Variants in FREM1 observed in about 807,000 individuals in gnomAD.
The protein encoded by FREM1 is FRAS1 related extracellular matrix 1.
A neutral mutation model predicts 210.1 loss-of-function variants in FREM1; 220 were observed. The ratio of observed to expected loss-of-function variants is 1.05; its 90% CI spans 0.94 to 1.17. FREM1 has a LOEUF of 1.17. FREM1 is among the 50% of genes most tolerant of loss of function. The probability of loss-of-function intolerance (pLI) is 0.00; values close to 1 mark genes in which losing one functional copy is unlikely to be tolerated. For synonymous variants in FREM1, 1,189 were observed against 980.2 expected, an observed-to-expected ratio of 1.21 and a Z score of -3.98; for missense variants, 3,454 against 2,675.5, an observed-to-expected ratio of 1.29 and a Z score of -6.42.
At chr9:14,803,220 C>A (rs1335853824) in intron 19 of FREM1, among the ~76,000 whole-genome samples, 2 of 102,556 alleles carry the variant, frequency 2.0e-5, no homozygotes, top group South Asian at 3.8e-4. Context: ...TTTCTCTTTT[C>A]TTTCTCTTTC....
rs933380778 is a variant in FREM1 at position 14,836,939 on chromosome 9, C to G, written c.1881+4508G>C. On this transcript the variant is annotated intron_variant, in intron 10 of 36. Coordinates refer to ENST00000380880, the MANE Select transcript of FREM1 (RefSeq NM_001379081.2). The surrounding 1 kb of genome is among the most constrained non-coding windows in gnomAD (Gnocchi z 4.9). The stretch of plus-strand genomic sequence containing the variant: ...TATGCAGATAGAGAGGAAAAGGGGT[C>G]CTTGGGTAGTTTTCGTCTTTTAAAG... 6.6e-5 allele frequency among the ~76,000 whole-genome samples: 10 copies of G among 152,084 alleles called. No individual in the cohort carries two copies. The highest frequency in any genetic ancestry group is 5.2e-4 in the Admixed American group (8 of 15,272).
chr9:14,787,065 C>T (rs1850535107), intron 23 of FREM1, among the ~76,000 whole-genome samples: 1 of 152,126 alleles, frequency 6.6e-6, no homozygotes, highest in Non-Finnish European at 1.5e-5. Flanking sequence ...ATCATTTCTG[C>T]CACTGTGCAA....
At chr9:14,753,531 A>T (rs1843743345) in intron 29 of FREM1, among the ~76,000 whole-genome samples, 1 of 152,230 alleles carries the variant, frequency 6.6e-6, no homozygotes, top group African/African-American at 2.4e-5. Flanking sequence ...GTTTGGTAGC[A>T]TAGTTGCAAC....
chr9:14,741,498 T>C (rs1213359145), intron 35 of FREM1, among the ~76,000 whole-genome samples: 1 of 152,236 alleles, frequency 6.6e-6, no homozygotes, highest in Non-Finnish European at 1.5e-5. Context: ...GACCTCATTA[T>C]TGACTCTCAG....
At chr9:14,843,271 C>T (rs1233580082) in intron 8 of FREM1, among the ~76,000 whole-genome samples, 1 of 152,142 alleles carries the variant, frequency 6.6e-6, no homozygotes, top group African/African-American at 2.4e-5. Flanking sequence ...TGCCTCCACC[C>T]TCCACCTTCC....
At chr9:14,840,836 T>C (rs777542848) in intron 10 of FREM1, among the ~76,000 whole-genome samples, 1 of 152,250 alleles carries the variant, frequency 6.6e-6, no homozygotes, top group Non-Finnish European at 1.5e-5. Flanking sequence ...TATATGGCAA[T>C]GTTTGCTTAA....
At chr9:14,829,233 G>A (rs539912299) in intron 10 of FREM1, among the ~76,000 whole-genome samples, 1 of 152,292 alleles carries the variant, frequency 6.6e-6, no homozygotes, top group Admixed American at 6.5e-5. Context: ...AGAGGGTAAG[G>A]AGGACTTGCC....
At chr9:14,751,225 C>T (rs757934983) in intron 29 of FREM1, among the ~76,000 whole-genome samples, 4 of 152,146 alleles carry the variant, frequency 2.6e-5, no homozygotes, top group Admixed American at 6.5e-5. Context: ...GTAAACTTAT[C>T]GATTTAACTT....
Position 14,847,400 on chromosome 9 carries a change from A to AGAAGGAAG in FREM1, c.1261+1257_1261+1264dup, listed in dbSNP as rs1348075386. ...ATATAAAGGAGAGGGAGAGAGAAAA[A>AGAAGGAAG]GAAGGAAGGAAGGAAGGAAGGAAGG... On this transcript the variant is annotated intron_variant, in intron 7 of 36. Transcript: ENST00000380880. Among the ~76,000 whole-genome samples the AGAAGGAAG allele has an allele frequency of 9.5e-3, 330 of 34,858 alleles. 13 individuals carry two copies. The highest frequency in any genetic ancestry group is 0.016 in the Non-Finnish European group (245 of 15,804). 22.9% of individuals were successfully genotyped at this position (34,858 alleles called of 152,430 possible).
chr9:14,868,272 C>G (rs1369229462), intron 2 of FREM1, among the ~76,000 whole-genome samples: 1 of 152,086 alleles, frequency 6.6e-6, no homozygotes, highest in Admixed American at 6.5e-5. Flanking sequence ...AGGAATAACT[C>G]CAATGTAATT....
intron 23 of FREM1, among the ~76,000 whole-genome samples, chr9:14,787,943 T>G (rs577122885): frequency 1.6e-4 from 25 of 152,312 alleles, no homozygotes; most frequent in African/African-American, 6.0e-4. Flanking sequence ...ATAAAATATA[T>G]TATTACACAG....
rs757282994 is a variant in FREM1, at chr9:14,842,516, T to A, written c.1538A>T (p.Asn513Ile). ...HHSIRHKFPINVLPKDDSPPF... is the reference protein window; with the variant it reads ...HHSIRHKFPIIVLPKDDSPPF... ...GGGACTATCATCTTTGGGCAAGACG[T>A]TGATGGGGAATTTGTGACGGATGCT... is the stretch of plus-strand genomic sequence containing the variant. Residue 513 changes from asparagine to isoleucine, a missense_variant, in exon 9 of 37, where the codon AAC (asparagine) becomes ATC (isoleucine). Transcript: ENST00000380880. 1.2e-6 allele frequency: 2 copies of A among 1,614,030 alleles called. No individual in the cohort carries two copies. The highest frequency in any genetic ancestry group is 1.3e-5 in the African/African-American group (1 of 75,060).
In FREM1 at chr9:14,857,568, G is replaced by C; in HGVS notation, c.813C>G (p.Ser271Arg). 6.2e-7 allele frequency: 1 copy of C among 1,613,286 alleles called. No individual in the cohort carries two copies. The highest frequency in any genetic ancestry group is 2.2e-5 in the East Asian group (1 of 44,878). ...SIQLDLTDTR[S>R]KIVYKSESAW... is the part of the protein sequence containing the mutation. ...CAAACTCTACCTTGTACACAATTTT[G>C]CTCCTGGTATCTGTGAGGTCCAGTT... Residue 271 changes from serine (S) to arginine (R), a missense_variant, in exon 5 of 37, where the codon AGC (serine) becomes AGG (arginine). Coordinates refer to ENST00000380880, the MANE Select transcript of FREM1 (RefSeq NM_001379081.2).
chr9:14,743,466 A>G (rs979451776), intron 35 of FREM1, among the ~76,000 whole-genome samples: 36 of 152,238 alleles, frequency 2.4e-4, no homozygotes, highest in African/African-American at 7.5e-4. Flanking sequence ...GACTATTATA[A>G]TCTCGTAATA....
intron 1 of FREM1, among the ~76,000 whole-genome samples, chr9:14,890,809 G>T (rs1354231951): frequency 6.6e-6 from 1 of 152,158 alleles, no homozygotes; most frequent in African/African-American, 2.4e-5. Flanking sequence ...AAAAATGTGT[G>T]CCCTCAACTT....
intron 7 of FREM1, 102 bp from the exon 8 acceptor site, chr9:14,846,193 G>A (rs1211554475): frequency 2.1e-6 from 2 of 937,490 alleles, no homozygotes; most frequent in Non-Finnish European, 3.2e-6. Flanking sequence ...AAAATAATGA[G>A]TTCATGCCCT....
In FREM1 at chr9:14,851,308, G is replaced by A; in HGVS notation, c.1128C>T (p.Ser376=). The A allele has an allele frequency of 1.3e-6, 2 of 1,598,088 alleles. No individual in the cohort carries two copies. Among genetic ancestry groups the A allele is most frequent in the South Asian group, 2.3e-5 (2 of 88,284 alleles). Residue 376 remains serine, a synonymous_variant, in exon 6 of 37, where the codon AGC becomes AGT. Coordinates refer to ENST00000380880, the MANE Select transcript of FREM1 (RefSeq NM_001379081.2). ...CCTCATCATGTCTCCTCTCAGAATG[G>A]CTGCTGTTTGGTGGCTGATAGGCGA... The part of the protein sequence containing the change: ...MQIAYQPPNS[S]HSERRHDEVE...
chr9:14,829,571 G>A (rs781320887), intron 10 of FREM1, among the ~76,000 whole-genome samples: 8 of 152,158 alleles, frequency 5.3e-5, no homozygotes, highest in African/African-American at 9.7e-5. Context: ...GAGGCTGCAA[G>A]TTCAAGCTCT....
At chr9:14,876,274 C>T (rs1814374864) in intron 1 of FREM1, among the ~76,000 whole-genome samples, 1 of 152,150 alleles carries the variant, frequency 6.6e-6, no homozygotes, top group Admixed American at 6.5e-5. Context: ...GTGCCCTGCC[C>T]CCAGAGGTGG....
Sources: allele counts gnomAD v4.1 joint callset (sites outside exome capture counted in the v4.1 genomes callset), GRCh38; gene constraint gnomAD v4.1.1; non-coding constraint Gnocchi (gnomAD v3.1); transcripts MANE v1.5; gene names NCBI Gene and HGNC (gene_info 2026-07-23, HGNC 2026-07-21).